Variants in RAD51B observed in about 807,000 individuals in gnomAD.
RAD51B encodes DNA repair protein RAD51 homolog 2.
A neutral mutation model predicts 42.2 loss-of-function variants in RAD51B; 38 were observed. That is an observed-to-expected ratio of 0.90 (90% CI 0.70 to 1.18). RAD51B has a LOEUF of 1.18. RAD51B is among the 50% of genes most tolerant of loss of function. The pLI is 0.00. For missense variants in RAD51B, 373 were observed against 400.7 expected (o/e 0.93, Z 0.59); for synonymous variants, 154 against 145.2 (o/e 1.06, Z -0.43).
At chr14:68,557,665 C>G (rs952697008) in intron 10 of RAD51B, among the ~76,000 whole-genome samples, 1 of 152,174 alleles carries the variant, frequency 6.6e-6, no homozygotes, top group African/African-American at 2.4e-5. Flanking sequence ...GAGCCAACAT[C>G]CCACATGCCT....
At chr14:68,007,264 T>A (rs73284216) in intron 7 of RAD51B, among the ~76,000 whole-genome samples, 6,075 of 152,228 alleles carry the variant, frequency 0.04, 421 homozygotes, top group African/African-American at 0.14. Context: ...CACATTTTAT[T>A]TGATGGTTAT....
At chr14:67,980,155 G>A (rs894328807) in intron 7 of RAD51B, among the ~76,000 whole-genome samples, 5 of 152,020 alleles carry the variant, frequency 3.3e-5, no homozygotes, top group East Asian at 1.9e-4. Context: ...TCGTAAAGAG[G>A]AAGAAGTGGC....
rs562982157 is a variant in RAD51B at position 68,283,471 on chromosome 14, T to C, written c.757-8413T>C. Among the ~76,000 whole-genome samples the C allele has an allele frequency of 2.6e-5, 4 of 152,350 alleles. No homozygotes were observed. The South Asian group carries it at 8.3e-4, about 32-fold the overall frequency. On this transcript the variant is annotated intron_variant, in intron 7 of 10. Coordinates refer to ENST00000471583, the MANE Select transcript of RAD51B (RefSeq NM_133510.4). ...CCAGGTTCTAGCTGGCCAGAGACTTTTTTGGCCTCATACTAACTGCAAAAT... is the reference window on the plus strand; with the variant it reads ...CCAGGTTCTAGCTGGCCAGAGACTTCTTTGGCCTCATACTAACTGCAAAAT...
intron 7 of RAD51B, among the ~76,000 whole-genome samples, chr14:67,996,468 C>T (rs984033439): frequency 4.6e-5 from 7 of 151,474 alleles, no homozygotes; most frequent in South Asian, 2.1e-4. Flanking sequence ...TGTTCCATAA[C>T]GGTGAAATCT....
chr14:68,563,884 GC>G, intron 10 of RAD51B: 2 of 985,488 alleles, frequency 2.0e-6, no homozygotes, highest in Non-Finnish European at 2.4e-6. Context: ...GTGCTCTGCA[GC>G]CTTGAGTAAC....
intron 7 of RAD51B, among the ~76,000 whole-genome samples, chr14:67,976,774 A>G (rs1018458830): frequency 5.9e-5 from 9 of 152,214 alleles, no homozygotes; most frequent in African/African-American, 2.2e-4. Context: ...CAGAGTGAAC[A>G]GGCATCGTAC....
intron 7 of RAD51B, among the ~76,000 whole-genome samples, chr14:68,217,072 A>G (rs1479861063): frequency 6.6e-6 from 1 of 152,120 alleles, no homozygotes; most frequent in Admixed American, 6.5e-5. Context: ...TGTGTTCTCA[A>G]CCCCTTCTCA....
intron 8 of RAD51B, among the ~76,000 whole-genome samples, chr14:68,340,445 A>C (rs181794214): frequency 2.2e-3 from 328 of 152,328 alleles, no homozygotes; most frequent in African/African-American, 7.5e-3. Context: ...CTGGGGATCT[A>C]ATAGAAACTT....
At chr14:68,364,101 C>T (rs2083089557) in intron 8 of RAD51B, among the ~76,000 whole-genome samples, 2 of 152,206 alleles carry the variant, frequency 1.3e-5, no homozygotes, top group East Asian at 1.9e-4. Context: ...CTTCCCGATC[C>T]GCTCATCCTA....
chr14:68,438,848 G>A (rs562391587), intron 9 of RAD51B, among the ~76,000 whole-genome samples: 1 of 152,262 alleles, frequency 6.6e-6, no homozygotes, highest in South Asian at 2.1e-4. Flanking sequence ...CTGAATTCTA[G>A]CAAATGTAAA....
chr14:68,227,195 G>A (rs761969863), intron 7 of RAD51B, among the ~76,000 whole-genome samples: 1 of 152,154 alleles, frequency 6.6e-6, no homozygotes. Flanking sequence ...TTCTGGCTTT[G>A]CCTAAGAAGG....
At chr14:67,948,658 A>G (rs1566973437) in intron 7 of RAD51B, among the ~76,000 whole-genome samples, 2 of 152,084 alleles carry the variant, frequency 1.3e-5, no homozygotes, top group Non-Finnish European at 2.9e-5. Flanking sequence ...TAGGCCGGGC[A>G]CGGTGGCTCA....
intron 7 of RAD51B, among the ~76,000 whole-genome samples, chr14:68,005,200 C>T (rs2075565865): frequency 6.6e-6 from 1 of 151,758 alleles, no homozygotes; most frequent in South Asian, 2.1e-4. Flanking sequence ...ATTACAGGTG[C>T]ATGCCACCAC....
intron 10 of RAD51B, among the ~76,000 whole-genome samples, chr14:68,499,045 G>C (rs1884739911): frequency 6.6e-6 from 1 of 152,214 alleles, no homozygotes; most frequent in African/African-American, 2.4e-5. Flanking sequence ...CCTTTTCAGT[G>C]AGTGTGGGGC....
chr14:68,317,724 C>T (rs964504281), intron 8 of RAD51B, among the ~76,000 whole-genome samples: 12 of 152,032 alleles, frequency 7.9e-5, no homozygotes, highest in African/African-American at 2.4e-4. Flanking sequence ...GAAAGAGAGA[C>T]CATTTAAGGG....
At chr14:68,131,447 G>A (rs2588835) in intron 7 of RAD51B, among the ~76,000 whole-genome samples, 104,150 of 152,100 alleles carry the variant, frequency 0.68, 38,929 homozygotes, top group East Asian at 0.89. Flanking sequence ...CGTAATCCCT[G>A]CACTTTGGGA....
At chr14:68,681,581 G>A (rs1884807) in intron 11 of RAD51B, among the ~76,000 whole-genome samples, 63,942 of 152,014 alleles carry the variant, frequency 0.42, 14,083 homozygotes, top group African/African-American at 0.54. Flanking sequence ...TGACAAGAGA[G>A]TTTCCTGGGT....
intron 7 of RAD51B, among the ~76,000 whole-genome samples, chr14:68,233,800 G>A (rs1381665912): frequency 6.6e-6 from 1 of 152,214 alleles, no homozygotes; most frequent in Non-Finnish European, 1.5e-5. Flanking sequence ...AGGTGTGAAA[G>A]AGCATAGTAT....
intron 8 of RAD51B, among the ~76,000 whole-genome samples, chr14:68,301,064 G>A (rs985516891): frequency 1.6e-4 from 24 of 152,176 alleles, no homozygotes; most frequent in African/African-American, 4.8e-4. Flanking sequence ...TGCAGTGTAT[G>A]TGTGTGTGTT....
Sources: gnomAD v4.1 joint callset for allele counts (sites outside exome capture counted in the v4.1 genomes callset) on GRCh38, gnomAD v4.1.1 for gene constraint, MANE v1.5 for transcripts, NCBI Gene and HGNC (gene_info 2026-07-23, HGNC 2026-07-21) for gene names.